Variants in LIPI observed in about 807,000 individuals in gnomAD.
LIPI encodes the protein lipase I.
Under a neutral mutation model 50.6 loss-of-function variants are expected in LIPI, and 59 were observed. That is an observed-to-expected ratio of 1.16 (90% CI 0.94 to 1.45). LIPI has a LOEUF of 1.45. Among genes scored for constraint, LIPI ranks in the 40% most tolerant of loss-of-function variants. LIPI has a pLI of 0.00. For missense variants in LIPI, 586 were observed against 536.3 expected (o/e 1.09, Z -0.92); for synonymous variants, 203 against 178.2 (o/e 1.14, Z -1.11).
intron 4 of LIPI, among the ~76,000 whole-genome samples, chr21:14,176,514 A>T (rs2019101761): frequency 6.6e-6 from 1 of 151,718 alleles, no homozygotes; most frequent in African/African-American, 2.4e-5. Flanking sequence ...AATTCAAAAT[A>T]TTTGATTATA....
At chr21:14,141,209 T>C (rs1214876158) in intron 9 of LIPI, among the ~76,000 whole-genome samples, 2 of 152,140 alleles carry the variant, frequency 1.3e-5, no homozygotes, top group African/African-American at 2.4e-5. Context: ...CTGCTGTGTC[T>C]CCTCTTCAGC....
Position 14,130,511 on chromosome 21 carries a change from G to C in LIPI, c.1295+14112C>G, listed in dbSNP as rs535861442. Reference sequence around the variant, plus strand: ...AGGATAATACCCACTACCATGCTATGGGCTGCTGACAGACCAAGACTTGAA... The same window carrying C: ...AGGATAATACCCACTACCATGCTATCGGCTGCTGACAGACCAAGACTTGAA... On this transcript the variant is annotated intron_variant, in intron 9 of 9. Transcript: ENST00000681601. Among the ~76,000 whole-genome samples, 19 of 152,242 alleles carry C rather than the reference G, an allele frequency of 1.2e-4. 2 individuals are homozygous for C. Among genetic ancestry groups the C allele is most frequent in the South Asian group, 1.2e-3 (6 of 4,824 alleles).
intron 9 of LIPI, among the ~76,000 whole-genome samples, chr21:14,138,703 C>T (rs2017596231): frequency 6.6e-6 from 1 of 151,930 alleles, no homozygotes; most frequent in Admixed American, 6.6e-5. Flanking sequence ...TACAGCTATT[C>T]CATAATCAAT....
chr21:14,187,706 A>G (rs2019503583), intron 2 of LIPI, among the ~76,000 whole-genome samples: 1 of 152,156 alleles, frequency 6.6e-6, no homozygotes, highest in African/African-American at 2.4e-5. Context: ...TCTCTACAGC[A>G]ATGGTATTGT....
intron 4 of LIPI, among the ~76,000 whole-genome samples, chr21:14,171,475 G>A (rs954368579): frequency 4.6e-5 from 7 of 151,004 alleles, no homozygotes; most frequent in Non-Finnish European, 7.4e-5. Context: ...ATACTACAAG[G>A]CTACAGTAAC....
chr21:14,178,015 G>T (rs945106040), intron 4 of LIPI, among the ~76,000 whole-genome samples: 1 of 152,030 alleles, frequency 6.6e-6, no homozygotes, highest in African/African-American at 2.4e-5. Context: ...TCACCATATG[G>T]AAGCAATCAT....
intron 1 of LIPI, among the ~76,000 whole-genome samples, chr21:14,196,356 T>C (rs1008312240): frequency 1.3e-5 from 2 of 152,162 alleles, no homozygotes; most frequent in African/African-American, 2.4e-5. Flanking sequence ...TGAAATTCTA[T>C]AAAAGAAATA....
intron 1 of LIPI, among the ~76,000 whole-genome samples, chr21:14,200,327 C>A (rs1196466326): frequency 6.6e-6 from 1 of 151,980 alleles, no homozygotes; most frequent in Non-Finnish European, 1.5e-5. Context: ...TGTTTGCAGA[C>A]AACATGATCC....
chr21:14,177,206 T>C (rs389322), intron 4 of LIPI, among the ~76,000 whole-genome samples: 76,944 of 151,882 alleles, frequency 0.51, 19,954 homozygotes, highest in Non-Finnish European at 0.56. Flanking sequence ...ATTTTAAAGT[T>C]TGTCCATATT....
chr21:14,156,774 T>G (rs1487922892), intron 7 of LIPI, among the ~76,000 whole-genome samples: 2 of 151,900 alleles, frequency 1.3e-5, no homozygotes, highest in East Asian at 3.9e-4. Flanking sequence ...TTTCCTTGAA[T>G]AAATTGTTAG....
intron 9 of LIPI, among the ~76,000 whole-genome samples, chr21:14,118,858 G>T (rs1031749819): frequency 2.6e-5 from 4 of 152,080 alleles, no homozygotes; most frequent in Non-Finnish European, 4.4e-5. Context: ...ACTTAAAATG[G>T]CTCCTTGAAT....
chr21:14,189,821 TGTCTA>T (rs1411070119), intron 1 of LIPI, among the ~76,000 whole-genome samples: 1 of 152,042 alleles, frequency 6.6e-6, no homozygotes, highest in African/African-American at 2.4e-5. Context: ...ATATTTAACT[TGTCTA>T]GTCATCAATA....
At chr21:14,149,272 C>G (rs764766140) in intron 8 of LIPI, among the ~76,000 whole-genome samples, 26 of 152,134 alleles carry the variant, frequency 1.7e-4, no homozygotes, top group Non-Finnish European at 3.1e-4. Flanking sequence ...CCATATAAAA[C>G]CATCAGATCT....
At chr21:14,193,359 A>G (rs1266130762) in intron 1 of LIPI, among the ~76,000 whole-genome samples, 2 of 152,142 alleles carry the variant, frequency 1.3e-5, no homozygotes, top group East Asian at 3.9e-4. Flanking sequence ...GACATACAGA[A>G]AACTAATAAC....
At chr21:14,189,469 T>G in intron 1 of LIPI, 50 bp from the exon 2 acceptor site, 1 of 1,517,540 alleles carries the variant, frequency 6.6e-7, no homozygotes, top group Non-Finnish European at 9.1e-7. Flanking sequence ...AGTATTTTAT[T>G]CCTGTTGCTA....
intron 1 of LIPI, among the ~76,000 whole-genome samples, chr21:14,202,922 G>A (rs1481684316): frequency 1.3e-5 from 2 of 152,026 alleles, no homozygotes; most frequent in Admixed American, 6.6e-5. Context: ...GAAAATTTTT[G>A]CAATCTACCC....
At chr21:14,134,186 A>C (rs937875279) in intron 9 of LIPI, among the ~76,000 whole-genome samples, 1 of 152,202 alleles carries the variant, frequency 6.6e-6, no homozygotes, top group Admixed American at 6.5e-5. Context: ...AACTGTGATC[A>C]TGCCAGTATA....
rs1600924223 is a variant in LIPI at position 14,191,653 on chromosome 21, C to A, written c.47-2234G>T. ...TTATAGTGCAATAATGGCACCAATT[C>A]ACCACTCCCTGAATCCATCTCATTT... On this transcript the variant is annotated intron_variant, in intron 1 of 9. Transcript: ENST00000681601. 2.6e-5 allele frequency among the ~76,000 whole-genome samples: 4 copies of A among 152,194 alleles called. No individual in the cohort carries two copies. The East Asian group carries it at 5.8e-4, about 22-fold the overall frequency.
intron 9 of LIPI, among the ~76,000 whole-genome samples, chr21:14,115,346 G>A (rs542301439): frequency 4.6e-5 from 7 of 152,208 alleles, no homozygotes; most frequent in South Asian, 2.1e-4. Context: ...CTTTTTTCTC[G>A]CTTCTGTAAG....
Sources: allele counts gnomAD v4.1 joint callset (sites outside exome capture counted in the v4.1 genomes callset), GRCh38; gene constraint gnomAD v4.1.1; transcripts MANE v1.5; gene names NCBI Gene and HGNC (gene_info 2026-07-23, HGNC 2026-07-21).